SYTL3: variants seen among roughly 807,000 people sequenced by gnomAD.
SYTL3 encodes the protein synaptotagmin-like protein 3.
A neutral mutation model predicts 82.1 loss-of-function variants in SYTL3; 88 were observed. The ratio of observed to expected loss-of-function variants is 1.07; its 90% CI spans 0.90 to 1.28. SYTL3 has a LOEUF of 1.28. Ranked by LOEUF, SYTL3 falls within the 50% of genes most tolerant of loss-of-function variation. The pLI is 0.00. For synonymous variants in SYTL3, 311 were observed against 289.4 expected, an observed-to-expected ratio of 1.07 and a Z score of -0.76; for missense variants, 831 against 757.6, an observed-to-expected ratio of 1.10 and a Z score of -1.14.
At chr6:158,683,022 A>G (rs745527385) in intron 6 of SYTL3, 33 bp downstream of exon 6, 1 of 1,460,572 alleles carries the variant, frequency 6.8e-7, no homozygotes, top group Non-Finnish European at 9.6e-7. Flanking sequence ...GTAAAGTAAA[A>G]TGATCTATTC....
chr6:158,723,033 C>T (rs187956753), intron 10 of SYTL3, among the ~76,000 whole-genome samples: 18 of 149,484 alleles, frequency 1.2e-4, no homozygotes, highest in South Asian at 2.1e-4. Context: ...CCCAAAGTGC[C>T]GGGATTACAA....
chr6:158,676,210 T>C (rs1212266485), intron 5 of SYTL3, among the ~76,000 whole-genome samples: 1 of 152,138 alleles, frequency 6.6e-6, no homozygotes, highest in Non-Finnish European at 1.5e-5. Context: ...AACAGAGATA[T>C]AGACCAATGG....
At chr6:158,710,160 A>G (rs960150865) in intron 8 of SYTL3, among the ~76,000 whole-genome samples, 9 of 152,274 alleles carry the variant, frequency 5.9e-5, no homozygotes, top group Non-Finnish European at 1.3e-4. Context: ...TGACAGTCAC[A>G]TGGGTATAAC....
At chr6:158,738,440 A>G (rs543228194) in intron 11 of SYTL3, among the ~76,000 whole-genome samples, 2 of 152,228 alleles carry the variant, frequency 1.3e-5, no homozygotes, top group Non-Finnish European at 2.9e-5. Context: ...CCCCACCCGC[A>G]ATAGAAGAAG....
At chr6:158,742,832 C>T (rs1200862535) in intron 11 of SYTL3, among the ~76,000 whole-genome samples, 2 of 152,200 alleles carry the variant, frequency 1.3e-5, no homozygotes, top group Admixed American at 1.3e-4. Context: ...CATGATCTGC[C>T]CGCCTCGGCC....
At chr6:158,648,363 G>C (rs6910800), upstream of SYTL3, among the ~76,000 whole-genome samples, 2 of 151,710 alleles carry the variant, frequency 1.3e-5, no homozygotes, top group African/African-American at 4.8e-5. Context: ...AGGCCGAGGC[G>C]GGCGGATCAC....
intron 11 of SYTL3, among the ~76,000 whole-genome samples, chr6:158,742,906 C>T (rs1381432071): frequency 6.6e-6 from 1 of 152,054 alleles, no homozygotes; most frequent in Admixed American, 6.6e-5. Context: ...CATTCTTAAG[C>T]TTCTCGGCCC....
At chr6:158,696,148 C>G (rs1287452187) in intron 6 of SYTL3, among the ~76,000 whole-genome samples, 1 of 152,172 alleles carries the variant, frequency 6.6e-6, no homozygotes, top group Non-Finnish European at 1.5e-5. Flanking sequence ...TACTTCCCCA[C>G]TAGCAATGCA....
chr6:158,712,995 C>T (rs889937210), intron 8 of SYTL3, among the ~76,000 whole-genome samples: 3 of 151,978 alleles, frequency 2.0e-5, no homozygotes, highest in East Asian at 1.9e-4. Context: ...CTCCTGACCT[C>T]GTGATCCGCC....
At chr6:158,725,934 A>G (rs745349749) in intron 11 of SYTL3, 1 of 682,070 alleles carries the variant, frequency 1.5e-6, no homozygotes, top group Non-Finnish European at 2.8e-6. Context: ...CAACTCGCGT[A>G]AACAGATAGG....
intron 5 of SYTL3, among the ~76,000 whole-genome samples, chr6:158,675,367 C>G (rs1777909136): frequency 6.6e-6 from 1 of 152,182 alleles, no homozygotes; most frequent in African/African-American, 2.4e-5. Flanking sequence ...TTATCTTCAT[C>G]TTGATTCTCT....
At chr6:158,745,748 A>AC in intron 12 of SYTL3, 90 bp downstream of exon 12, 6 of 985,506 alleles carry the variant, frequency 6.1e-6, no homozygotes, top group Non-Finnish European at 8.3e-6. Flanking sequence ...CAAGACAATT[A>AC]TTAAAAAAAA....
At chr6:158,658,852 C>T (rs920798883) in intron 2 of SYTL3, among the ~76,000 whole-genome samples, 11 of 152,162 alleles carry the variant, frequency 7.2e-5, no homozygotes, top group Non-Finnish European at 1.5e-4. Flanking sequence ...TCACTTGAAC[C>T]TGGGAGGCGG....
intron 12 of SYTL3, among the ~76,000 whole-genome samples, chr6:158,747,167 A>C (rs1423658678): frequency 4.0e-5 from 6 of 151,502 alleles, no homozygotes; most frequent in Non-Finnish European, 7.4e-5. Context: ...TTGTATCTTT[A>C]GTAGAGACGG....
chr6:158,686,838 C>G (rs762996800), intron 6 of SYTL3, among the ~76,000 whole-genome samples: 3 of 152,206 alleles, frequency 2.0e-5, no homozygotes, highest in Non-Finnish European at 2.9e-5. Context: ...TGGCCAGACA[C>G]AGGTCGGAAG....
chr6:158,702,346 A>AAT (rs1781409651), intron 6 of SYTL3, among the ~76,000 whole-genome samples: 9 of 136,690 alleles, frequency 6.6e-5, no homozygotes, highest in African/African-American at 1.1e-4. Flanking sequence ...AAAAAAAAAA[A>AAT]TTTTTTTTTT....
At chr6:158,755,033 G>A (rs561310165) in intron 13 of SYTL3, among the ~76,000 whole-genome samples, 13 of 152,150 alleles carry the variant, frequency 8.5e-5, no homozygotes, top group African/African-American at 1.2e-4. Flanking sequence ...GAGATTGAAT[G>A]TGGGGCAGAG....
chr6:158,713,804 A>C lies in SYTL3; in HGVS notation c.521A>C (p.Gln174Pro). 1 of 1,546,560 alleles carries C rather than the reference A, an allele frequency of 6.5e-7. No individual in the cohort carries two copies. The highest frequency in any genetic ancestry group is 1.4e-5 in the African/African-American group (1 of 73,044). The change falls in exon 9 of 18, where the codon CAG becomes CCG. Residue 174 changes from glutamine (Q) to proline (P), a missense_variant. Gln to Pro is a moderately conservative substitution (Grantham distance 76). Transcript: ENST00000611299. ...SQCSRSPGRL[Q>P]EFGQFRGFNK... ...CTCCTTCTGTCTCTGTTTTAGTTAC[A>C]GGAATTTGGTCAGTTTAGAGGATTT...
intron 14 of SYTL3, among the ~76,000 whole-genome samples, chr6:158,759,593 C>A (rs1161144806): frequency 6.6e-6 from 1 of 152,164 alleles, no homozygotes; most frequent in African/African-American, 2.4e-5. Flanking sequence ...AGTGAAGTGG[C>A]GTGATCTTGG....
Sources: allele counts gnomAD v4.1 joint callset (sites outside exome capture counted in the v4.1 genomes callset), GRCh38; gene constraint gnomAD v4.1.1; transcripts MANE v1.5; gene names NCBI Gene and HGNC (gene_info 2026-07-23, HGNC 2026-07-21).